The following KRAS variants were observed in gnomAD, a reference collection of about 807,000 sequenced individuals.
KRAS encodes the protein KRas proto-oncogene, GTPase.
Under a neutral mutation model 21.0 loss-of-function variants are expected in KRAS, and 1 was observed. The ratio of observed to expected loss-of-function variants is 0.05; its 90% CI spans 0.02 to 0.23. KRAS has a LOEUF of 0.23. Among genes scored for constraint, KRAS ranks in the 10% least tolerant of loss-of-function variants. KRAS has a pLI of 1.00. For synonymous variants in KRAS, 67 were observed against 72.5 expected, an observed-to-expected ratio of 0.92 and a Z score of 0.39; for missense variants, 107 against 221.8, an observed-to-expected ratio of 0.48 and a Z score of 3.29.
chr12:25,248,561 C>T (rs1028953492), intron 1 of KRAS, among the ~76,000 whole-genome samples: 25 of 151,314 alleles, frequency 1.7e-4, no homozygotes, highest in Non-Finnish European at 2.7e-4. Context: ...GAATTCAGAG[C>T]CACATGTATC....
intron 4 of KRAS, among the ~76,000 whole-genome samples, chr12:25,216,890 A>G (rs1232574104): frequency 2.6e-5 from 4 of 152,210 alleles, no homozygotes; most frequent in Non-Finnish European, 5.9e-5. Context: ...TGCAAATTAA[A>G]AGATGTAATA....
chr12:25,211,861 A>ACT (rs2141483824), intron 4 of KRAS, among the ~76,000 whole-genome samples: 1 of 152,314 alleles, frequency 6.6e-6, no homozygotes, highest in Non-Finnish European at 1.5e-5. Flanking sequence ...CCCAAACTGC[A>ACT]CTCACTGATG....
At chr12:25,223,976 T>C (rs1046658093) in intron 4 of KRAS, among the ~76,000 whole-genome samples, 1 of 151,972 alleles carries the variant, frequency 6.6e-6, no homozygotes, top group Non-Finnish European at 1.5e-5. Context: ...CCACAGGAGA[T>C]TGCATATGTG....
intron 2 of KRAS, among the ~76,000 whole-genome samples, chr12:25,229,779 T>A (rs1046295786): frequency 1.3e-5 from 2 of 151,756 alleles, no homozygotes; most frequent in Non-Finnish European, 2.9e-5. Context: ...TCTTTTTTTT[T>A]TTTTTTTGAG....
At chr12:25,227,483 C>T in intron 2 of KRAS, 71 bp from the exon 3 acceptor site, 2 of 1,376,424 alleles carry the variant, frequency 1.5e-6, no homozygotes, top group Admixed American at 3.8e-5. Flanking sequence ...TTATATACAA[C>T]TCAACAACAA....
intron 1 of KRAS, among the ~76,000 whole-genome samples, chr12:25,247,747 G>A (rs985370645): frequency 1.3e-5 from 2 of 152,154 alleles, no homozygotes; most frequent in African/African-American, 4.8e-5. Context: ...AAGTTTTCCA[G>A]ATGTGTGATC....
intron 4 of KRAS, among the ~76,000 whole-genome samples, chr12:25,212,198 CTGATCACA>C (rs985795636): frequency 2.6e-5 from 4 of 152,220 alleles, no homozygotes; most frequent in African/African-American, 9.7e-5. Flanking sequence ...TAAATTCCCT[CTGATCACA>C]TCCTTATGTA....
chr12:25,205,842 A>C lies in KRAS; in HGVS notation c.*3953T>G, dbSNP rs1485811123. The C allele has an allele frequency of 1.4e-5, 3 of 215,444 alleles. No individual in the cohort carries two copies. The highest frequency in any genetic ancestry group is 6.7e-5 in the African/African-American group (3 of 44,518). 13.3% of individuals were successfully genotyped at this position (215,444 alleles called of 1,614,324 possible). A position where few individuals can be genotyped will look rare whatever the true frequency, so the allele number is the denominator to read the frequency against. On this transcript the variant is annotated 3_prime_UTR_variant, in exon 5 of 5. Coordinates refer to ENST00000311936, the MANE Select transcript of KRAS (RefSeq NM_004985.5). Reference sequence around the variant, plus strand: ...AGTTATGACTATTCTTCAAGAACTCATGTGAGTATCTTTCTTTAGAAAGAA... The same window carrying C: ...AGTTATGACTATTCTTCAAGAACTCCTGTGAGTATCTTTCTTTAGAAAGAA...
chr12:25,246,147 CAAA>C (rs35617676), intron 1 of KRAS, among the ~76,000 whole-genome samples: 290 of 84,432 alleles, frequency 3.4e-3, no homozygotes, highest in African/African-American at 0.012. Flanking sequence ...GACTCCGTCT[CAAA>C]AAAAAAAAAA....
intron 4 of KRAS, chr12:25,215,561 C>CTG: frequency 1.2e-6 from 2 of 1,609,402 alleles, no homozygotes; most frequent in Non-Finnish European, 1.7e-6. Flanking sequence ...CCTCCACTCT[C>CTG]TGCATTGTAA....
intron 4 of KRAS, among the ~76,000 whole-genome samples, chr12:25,221,570 G>T (rs1032943813): frequency 2.0e-5 from 3 of 151,734 alleles, no homozygotes; most frequent in Non-Finnish European, 2.9e-5. Context: ...AGCTAACAAC[G>T]ATTTTTGCAT....
rs1242269115 is a variant in KRAS, at chr12:25,208,380, ATTT to A, written c.*1412_*1414del. 1 of 232,932 alleles carries A rather than the reference ATTT, an allele frequency of 4.3e-6. No homozygotes were observed. Among genetic ancestry groups the A allele is most frequent in the Non-Finnish European group, 8.5e-6 (1 of 117,748 alleles). 14.4% of individuals were successfully genotyped at this position (232,932 alleles called of 1,614,324 possible). A position where few individuals can be genotyped will look rare whatever the true frequency, so the allele number is the denominator to read the frequency against. ...TAAATTTATCAAAAGGATTGTTTTT[ATTT>A]TTATTTTAAAGCATTATTAAATATG... On this transcript the variant is annotated 3_prime_UTR_variant, in exon 5 of 5. Coordinates refer to ENST00000311936, the MANE Select transcript of KRAS (RefSeq NM_004985.5).
At position 25,238,366 on chromosome 12, in the gene KRAS, C is replaced by T. The variant is rs61761098; in HGVS notation, c.111+6908G>A. On this transcript the variant is annotated intron_variant, in intron 2 of 4. Transcript: ENST00000311936. The stretch of plus-strand genomic sequence containing the variant: ...GGTAAGAATGAGAGGCTGGAATGAC[C>T]GTGGATCCAATCTTAATGCCAATAT... Among the ~76,000 whole-genome samples the T allele has an allele frequency of 4.1e-3, 628 of 152,224 alleles. 4 individuals are homozygous for T. The highest frequency in any genetic ancestry group is 0.014 in the African/African-American group (595 of 41,554).
intron 1 of KRAS, among the ~76,000 whole-genome samples, chr12:25,247,153 G>C (rs1310579054): frequency 6.6e-6 from 1 of 152,132 alleles, no homozygotes; most frequent in African/African-American, 2.4e-5. Context: ...TAAATAAGGA[G>C]AGAAATGCAG....
rs1951147561 is a variant in KRAS, at chr12:25,207,165, G to A, written c.*2630C>T. The A allele has an allele frequency of 4.7e-6, 1 of 210,630 alleles. No individual in the cohort carries two copies. Among genetic ancestry groups the A allele is most frequent in the Non-Finnish European group, 9.6e-6 (1 of 103,876 alleles). The allele number at this position is 210,630 out of a possible 1,614,324, so 13.0% of individuals were successfully genotyped here. On this transcript the variant is annotated 3_prime_UTR_variant, in exon 5 of 5. Transcript: ENST00000311936. ...AGCACTACCTAAGGACCGGGATTAT[G>A]TCTCTTGTTTGGGGATACCATATAC...
intron 2 of KRAS, among the ~76,000 whole-genome samples, chr12:25,228,920 G>A (rs1951428940): frequency 6.6e-6 from 1 of 152,092 alleles, no homozygotes; most frequent in African/African-American, 2.4e-5. Context: ...TTAGCCGGGC[G>A]TGGTGGCGGG....
At chr12:25,231,944 T>G (rs1159541185) in intron 2 of KRAS, among the ~76,000 whole-genome samples, 1 of 152,118 alleles carries the variant, frequency 6.6e-6, no homozygotes, top group Non-Finnish European at 1.5e-5. Context: ...TGTTCCAACT[T>G]CAGGTCAGGC....
chr12:25,239,787 T>C (rs1292515200), intron 2 of KRAS, among the ~76,000 whole-genome samples: 1 of 152,034 alleles, frequency 6.6e-6, no homozygotes, highest in Non-Finnish European at 1.5e-5. Context: ...ACCCCGTCTC[T>C]ACTAAAAATA....
intron 2 of KRAS, among the ~76,000 whole-genome samples, chr12:25,237,503 C>T (rs1182255701): frequency 6.6e-6 from 1 of 152,010 alleles, no homozygotes; most frequent in Non-Finnish European, 1.5e-5. Context: ...CATGGGTTGT[C>T]CTGGTGGATA....
Sources: allele counts gnomAD v4.1 joint callset (sites outside exome capture counted in the v4.1 genomes callset), GRCh38; gene constraint gnomAD v4.1.1; transcripts MANE v1.5; gene names NCBI Gene and HGNC (gene_info 2026-07-23, HGNC 2026-07-21).